The following NRXN3 variants were observed in gnomAD, a reference collection of about 807,000 sequenced individuals.
The protein encoded by NRXN3 is neurexin III.
A neutral mutation model predicts 137.6 loss-of-function variants in NRXN3; 32 were observed. The ratio of observed to expected loss-of-function variants is 0.23; its 90% confidence interval spans 0.18 to 0.31. The LOEUF is 0.31. NRXN3 is among the 10% of genes least tolerant of loss of function. The probability of loss-of-function intolerance (pLI) is 1.00; values close to 1 mark genes in which losing one functional copy is unlikely to be tolerated. For missense variants in NRXN3, 1,574 were observed against 2,062.5 expected, an observed-to-expected ratio of 0.76 and a Z score of 4.59; for synonymous variants, 798 against 784.5, an observed-to-expected ratio of 1.02 and a Z score of -0.29.
intron 15 of NRXN3, among the ~76,000 whole-genome samples, chr14:79,290,077 C>G (rs1046949771): frequency 5.9e-5 from 9 of 152,116 alleles, no homozygotes; most frequent in African/African-American, 1.9e-4. Context: ...GACTTTCCCC[C>G]AAACTATGAA....
chr14:79,838,493 C>CA (rs2099349035), intron 20 of NRXN3, among the ~76,000 whole-genome samples: 1 of 152,136 alleles, frequency 6.6e-6, no homozygotes, highest in Non-Finnish European at 1.5e-5. Context: ...ATGGTACTCA[C>CA]AAGTAGTGTG....
rs10147433 is a variant in NRXN3, at chr14:78,847,500, A to G, written c.2275+37156A>G. Among the ~76,000 whole-genome samples, 1,228 of 152,170 alleles carry G rather than the reference A, an allele frequency of 8.1e-3. 20 individuals carry two copies. The highest frequency in any genetic ancestry group is 0.028 in the African/African-American group (1,157 of 41,550). On this transcript the variant is annotated intron_variant, in intron 10 of 20. Transcript: ENST00000335750. ...TTTGTGTGGCTGTCTGGACACAAGC[A>G]TCAGCATCTCCAGGAGAAGGAGGAA...
intron 15 of NRXN3, among the ~76,000 whole-genome samples, chr14:79,227,749 C>CCTTCCTTG: frequency 1.2e-5 from 1 of 83,002 alleles, no homozygotes; most frequent in Non-Finnish European, 2.7e-5. Context: ...CTCCTTCCTT[C>CCTTCCTTG]CTTCCTTCCT....
chr14:79,760,601 CTTGAAACAAAATAGATTTGTTT>C (rs1245313342), intron 19 of NRXN3: 1 of 151,308 alleles, frequency 6.6e-6, no homozygotes, highest in East Asian at 1.9e-4. Flanking sequence ...CAAGGGGAAT[CTTGAAACAAAATAGATTTGTTT>C]TAAAATGCAA....
chr14:79,466,713 G>A (rs2096430931), intron 15 of NRXN3, among the ~76,000 whole-genome samples: 2 of 152,140 alleles, frequency 1.3e-5, no homozygotes, highest in Non-Finnish European at 2.9e-5. Context: ...CTTTCCTGTG[G>A]GAGTGGGAGA....
At chr14:78,634,563 A>T (rs1415990624) in intron 4 of NRXN3, among the ~76,000 whole-genome samples, 2 of 152,248 alleles carry the variant, frequency 1.3e-5, no homozygotes, top group Non-Finnish European at 2.9e-5. Flanking sequence ...AACATAAAAC[A>T]TGTAGAACCT....
At chr14:78,956,504 G>A (rs2099397063) in intron 10 of NRXN3, among the ~76,000 whole-genome samples, 1 of 152,038 alleles carries the variant, frequency 6.6e-6, no homozygotes, top group Admixed American at 6.6e-5. Context: ...CTATTTAGTG[G>A]CACTTTATAT....
In NRXN3 at chr14:79,773,663, T is replaced by G. The variant is rs760056392; in HGVS notation, c.4015-31449T>G. 2.9e-4 allele frequency among the ~76,000 whole-genome samples: 44 copies of G among 150,538 alleles called. 1 individual carries two copies. The highest frequency in any genetic ancestry group is 3.4e-3 in the Middle Eastern group (1 of 294). On this transcript the variant is annotated intron_variant, in intron 19 of 20. Coordinates refer to ENST00000335750, the MANE Select transcript of NRXN3 (RefSeq NM_001330195.2). ...GGAGGGGGGAGGGATAGCATTGGGA[T>G]ATATACCTAATGCTAGACGATGAGT...
intron 19 of NRXN3, among the ~76,000 whole-genome samples, chr14:79,764,684 C>A (rs2099050270): frequency 2.0e-5 from 3 of 152,082 alleles, no homozygotes; most frequent in African/African-American, 4.8e-5. Flanking sequence ...TCCTTATACA[C>A]TTCCATGTTA....
At chr14:78,932,779 G>A (rs154334) in intron 10 of NRXN3, among the ~76,000 whole-genome samples, 41,905 of 152,056 alleles carry the variant, frequency 0.28, 8,633 homozygotes, top group African/African-American at 0.56. Flanking sequence ...GAAAAGAGGT[G>A]TTTTTTATAT....
intron 16 of NRXN3, among the ~76,000 whole-genome samples, chr14:79,471,726 G>C (rs1353392059): frequency 6.6e-6 from 1 of 152,178 alleles, no homozygotes; most frequent in Non-Finnish European, 1.5e-5. Flanking sequence ...GTAGAAATGA[G>C]TGGGAAAACT....
chr14:79,348,378 C>CTCTCTTTTT (rs535595782), intron 15 of NRXN3, among the ~76,000 whole-genome samples: 353 of 135,948 alleles, frequency 2.6e-3, no homozygotes, highest in African/African-American at 9.6e-3. Flanking sequence ...AATCTTCTCT[C>CTCTCTTTTT]TTTTTTTTTT....
intron 15 of NRXN3, among the ~76,000 whole-genome samples, chr14:79,109,788 G>T (rs1039108353): frequency 6.6e-6 from 1 of 152,052 alleles, no homozygotes; most frequent in Admixed American, 6.6e-5. Context: ...TATAAGTATC[G>T]TTTGTCATGC....
chr14:78,247,999 C>T (rs1317564321), intron 2 of NRXN3, among the ~76,000 whole-genome samples: 1 of 152,096 alleles, frequency 6.6e-6, no homozygotes, highest in Non-Finnish European at 1.5e-5. Context: ...ATGGGTGGAT[C>T]TCTACTCCAA....
At chr14:79,240,104 TGA>T (rs1419497886) in intron 15 of NRXN3, among the ~76,000 whole-genome samples, 1 of 152,184 alleles carries the variant, frequency 6.6e-6, no homozygotes, top group Non-Finnish European at 1.5e-5. Context: ...TTAATTAGTT[TGA>T]GTTAATCATT....
intron 15 of NRXN3, among the ~76,000 whole-genome samples, chr14:79,081,387 G>A (rs370017675): frequency 2.5e-4 from 38 of 152,038 alleles, no homozygotes; most frequent in African/African-American, 8.9e-4. Context: ...AGGCCGAGGC[G>A]GGCAGATCAT....
In NRXN3 at chr14:79,504,783, C is replaced by G. The variant is rs113374728; in HGVS notation, c.3444+37381C>G. 4.0e-5 allele frequency among the ~76,000 whole-genome samples: 6 copies of G among 150,790 alleles called. 2 individuals carry two copies. Among genetic ancestry groups the G allele is most frequent in the African/African-American group, 1.5e-4 (6 of 41,098 alleles). On this transcript the variant is annotated intron_variant, in intron 16 of 20. Transcript: ENST00000335750. ...AAGAATTCTCAAGAGGGTATGAAACCCACTTCTCCCTTATCAACTCTAGGG... is the reference window on the plus strand; with the variant it reads ...AAGAATTCTCAAGAGGGTATGAAACGCACTTCTCCCTTATCAACTCTAGGG...
chr14:78,329,033 CT>C (rs2080461641), intron 4 of NRXN3, among the ~76,000 whole-genome samples: 1 of 152,124 alleles, frequency 6.6e-6, no homozygotes, highest in African/African-American at 2.4e-5. Flanking sequence ...AGAGACTTGT[CT>C]TTTCACAGGA....
At chr14:78,351,052 A>G (rs2083416092) in intron 4 of NRXN3, among the ~76,000 whole-genome samples, 2 of 152,194 alleles carry the variant, frequency 1.3e-5, no homozygotes, top group African/African-American at 2.4e-5. Context: ...TTTGCCAGGA[A>G]TTGGCATTTA....
Sources: gnomAD v4.1 joint callset for allele counts (sites outside exome capture counted in the v4.1 genomes callset) on GRCh38, gnomAD v4.1.1 for gene constraint, MANE v1.5 for transcripts, NCBI Gene and HGNC (gene_info 2026-07-23, HGNC 2026-07-21) for gene names.